EXD1: variants seen among roughly 807,000 people sequenced by gnomAD.
EXD1 encodes the protein piRNA biogenesis protein EXD1.
A neutral mutation model predicts 49.1 loss-of-function variants in EXD1; 63 were observed. The ratio of observed to expected loss-of-function variants is 1.28; its 90% CI spans 1.05 to 1.58. EXD1 has a LOEUF of 1.58. Ranked by LOEUF, EXD1 falls within the 40% of genes most tolerant of loss-of-function variation. The pLI is 0.00. For missense variants in EXD1, 748 were observed against 666.0 expected, an observed-to-expected ratio of 1.12 and a Z score of -1.36; for synonymous variants, 234 against 239.2, an observed-to-expected ratio of 0.98 and a Z score of 0.20.
intron 10 of EXD1, among the ~76,000 whole-genome samples, chr15:41,191,074 C>T (rs1402119754): frequency 6.6e-6 from 1 of 152,072 alleles, no homozygotes; most frequent in South Asian, 2.1e-4. Context: ...ACTACAGACA[C>T]CTGCCACCAT....
rs761035017 is a variant in EXD1 at position 41,191,518 on chromosome 15, T to G, written c.788A>C (p.Gln263Pro). 11 of 1,613,922 alleles carry G rather than the reference T, an allele frequency of 6.8e-6. No individual in the cohort carries two copies. The East Asian group carries it at 2.2e-4, about 33-fold the overall frequency. Residue 263 changes from glutamine (Q) to proline (P), a missense_variant, in exon 10 of 12, where the codon CAG (glutamine) becomes CCG (proline). Gln to Pro is a moderately conservative substitution (Grantham distance 76, BLOSUM62 -1). Coordinates refer to ENST00000458580, the MANE Select transcript of EXD1 (RefSeq NM_001286441.2). ...GYLPNCITTL[Q>P]ESLIKHLQVA... The stretch of plus-strand genomic sequence containing the variant: ...TTGAAGGTGTTTGATTAAACTCTCC[T>G]GCAAAGTAGTGATGCAGTTTGGAAG...
At chr15:41,190,226 GC>G in intron 10 of EXD1, 98 bp from the exon 11 acceptor site, 4 of 1,308,178 alleles carry the variant, frequency 3.1e-6, no homozygotes, top group Non-Finnish European at 3.3e-6. Flanking sequence ...TGTAATCCCA[GC>G]ACTCTGGGAG....
chr15:41,191,564 A>T lies in EXD1; in HGVS notation c.742T>A (p.Ser248Thr), dbSNP rs1431430823. 1 of 1,614,082 alleles carries T rather than the reference A, an allele frequency of 6.2e-7. No individual in the cohort carries two copies. Among genetic ancestry groups the T allele is most frequent in the East Asian group, 2.2e-5 (1 of 44,866 alleles). The change falls in exon 10 of 12, where the codon TCC becomes ACC. Residue 248 changes from serine to threonine, a missense_variant. Ser to Thr is a moderately conservative substitution (Grantham distance 58). Coordinates refer to ENST00000458580, the MANE Select transcript of EXD1 (RefSeq NM_001286441.2). ...DTQVADVLQF[S>T]METGGYLPNC... ...GGAAGATAGCCACCCGTTTCCATGGAAAACTGAAGTACATCTGCTACCTGT... is the reference window on the plus strand; with the variant it reads ...GGAAGATAGCCACCCGTTTCCATGGTAAACTGAAGTACATCTGCTACCTGT...
Position 41,184,535 on chromosome 15 carries a change from C to A in EXD1, c.1115G>T (p.Arg372Leu), listed in dbSNP as rs186855358. The A allele has an allele frequency of 4.3e-6, 7 of 1,611,636 alleles. No homozygotes were observed. The African/African-American group carries it at 5.3e-5, about 12-fold the overall frequency. ...LLQLKDFQKQRREKAAREYRV... is the reference protein window; with the variant it reads ...LLQLKDFQKQLREKAAREYRV... The stretch of plus-strand genomic sequence containing the variant: ...ATATTCTCTTGCAGCTTTCTCCCTG[C>A]GCTGCTTCTGGAAGTCCTTGAGTTG... Residue 372 changes from arginine (R) to leucine (L), a missense_variant, in exon 12 of 12, where the codon CGC (arginine) becomes CTC (leucine). By Grantham distance (102) the Arg-to-Leu change is moderately radical (BLOSUM62 -2). Transcript: ENST00000458580.
chr15:41,224,487 A>G (rs77192017), intron 2 of EXD1, among the ~76,000 whole-genome samples: 4,390 of 152,238 alleles, frequency 0.029, 238 homozygotes, highest in African/African-American at 0.1. Flanking sequence ...TCATGCCAGG[A>G]AACTCTATAT....
chr15:41,190,102 T>C lies in EXD1; in HGVS notation c.891A>G (p.Arg297=). The C allele has an allele frequency of 6.2e-7, 1 of 1,614,084 alleles. No individual in the cohort carries two copies. The highest frequency in any genetic ancestry group is 8.5e-7 in the Non-Finnish European group (1 of 1,180,012). Residue 297 remains arginine, a synonymous_variant, in exon 11 of 12, where the codon CGA becomes CGG. Transcript: ENST00000458580. ...TTTTCAGTAAAGAGGGTGAAACAGG[T>C]CGGATGAACCATACTTCTGGATTTT... ...IQENPEVWFI[R]PVSPSLLKIL...
At chr15:41,228,186 T>C (rs970252512) in intron 1 of EXD1, among the ~76,000 whole-genome samples, 1 of 152,228 alleles carries the variant, frequency 6.6e-6, no homozygotes, top group East Asian at 1.9e-4. Context: ...AGTATTCTTC[T>C]ATAGTTTTTT....
chr15:41,218,570 ACAAAGCCGGTCAGCCATCAG>A (rs1566992561), intron 3 of EXD1, among the ~76,000 whole-genome samples: 1 of 151,670 alleles, frequency 6.6e-6, no homozygotes, highest in African/African-American at 2.4e-5. Flanking sequence ...CATACAGATC[ACAAAGCCGGTCAGCCATCAG>A]CCTCCTGAGT....
rs540188349 is a variant in EXD1, at chr15:41,184,590, T to C, written c.1060A>G (p.Thr354Ala). 5 of 1,575,464 alleles carry C rather than the reference T, an allele frequency of 3.2e-6. No individual in the cohort carries two copies. Among genetic ancestry groups the C allele is most frequent in the African/African-American group, 2.7e-5 (2 of 72,806 alleles). Residue 354 changes from threonine (T) to alanine (A), a missense_variant, in exon 12 of 12, where the codon ACA (threonine) becomes GCA (alanine). Thr to Ala is a moderately conservative substitution (Grantham distance 58, BLOSUM62 0). Coordinates refer to ENST00000458580, the MANE Select transcript of EXD1 (RefSeq NM_001286441.2). ...AGTTCCTCTGGCAGCTCCATACATG[T>C]AGGCTAAGAAGAGAAAGCGAACACA... ...SADRLGGTEP[T>A]CMELPEELLQ...
chr15:41,191,531 T>C lies in EXD1; in HGVS notation c.775A>G (p.Ile259Val), dbSNP rs368618868. The C allele has an allele frequency of 2.8e-5, 45 of 1,613,992 alleles. No homozygotes were observed. Among genetic ancestry groups the C allele is most frequent in the East Asian group, 1.1e-4 (5 of 44,884 alleles). The change falls in exon 10 of 12, where the codon ATC becomes GTC. Residue 259 changes from isoleucine (I) to valine (V), a missense_variant. Coordinates refer to ENST00000458580, the MANE Select transcript of EXD1 (RefSeq NM_001286441.2). ...ATTAAACTCTCCTGCAAAGTAGTGA[T>C]GCAGTTTGGAAGATAGCCACCCGTT... ...METGGYLPNC[I>V]TTLQESLIKH... is the part of the protein sequence containing the mutation.
At chr15:41,218,230 A>G (rs2047031022) in intron 3 of EXD1, among the ~76,000 whole-genome samples, 1 of 152,114 alleles carries the variant, frequency 6.6e-6, no homozygotes, top group Non-Finnish European at 1.5e-5. Flanking sequence ...CACGCCTGTA[A>G]TCCCAGCACT....
intron 10 of EXD1, 127 bp downstream of exon 10, chr15:41,191,315 G>C (rs1412115462): frequency 1.2e-6 from 1 of 812,702 alleles, no homozygotes; most frequent in Non-Finnish European, 1.9e-6. Flanking sequence ...ATTTGGTACA[G>C]TTAAGATTTT....
chr15:41,183,858 T>C lies in EXD1; in HGVS notation c.*73A>G. 7.0e-7 allele frequency: 1 copy of C among 1,430,748 alleles called. No homozygotes were observed. The highest frequency in any genetic ancestry group is 1.4e-5 in the South Asian group (1 of 71,050). 88.6% of individuals were successfully genotyped at this position (1,430,748 alleles called of 1,614,324 possible). A position where few individuals can be genotyped will look rare whatever the true frequency, so the allele number is the denominator to read the frequency against. On this transcript the variant is annotated 3_prime_UTR_variant, in exon 12 of 12. Transcript: ENST00000458580. ...TACTACATTTACAACATGAGAAACC[T>C]GGGCACTGTGGAAAGCCCTGATGGC...
chr15:41,216,695 G>A lies in EXD1; in HGVS notation c.361C>T (p.Leu121=), dbSNP rs1318441734. The part of the protein sequence containing the change: ...PAPEAPATSL[L]NDLKYSPSEE... ...GATGGGCTGTACTTGAGGTCATTCA[G>A]CAGAGAGGTAGCTGGTGCTTCAGGG... is the stretch of plus-strand genomic sequence containing the variant. Residue 121 remains leucine (L), a synonymous_variant, in exon 5 of 12, where the codon CTG becomes TTG. Coordinates refer to ENST00000458580, the MANE Select transcript of EXD1 (RefSeq NM_001286441.2). 6.2e-7 allele frequency: 1 copy of A among 1,613,344 alleles called. No homozygotes were observed. Among genetic ancestry groups the A allele is most frequent in the South Asian group, 1.1e-5 (1 of 91,036 alleles).
chr15:41,189,310 G>T (rs1044384547), intron 11 of EXD1, among the ~76,000 whole-genome samples: 3 of 151,906 alleles, frequency 2.0e-5, no homozygotes, highest in African/African-American at 7.3e-5. Flanking sequence ...GGAGGCTACA[G>T]TGAGCTGAGA....
intron 1 of EXD1, among the ~76,000 whole-genome samples, chr15:41,227,525 C>T (rs983952946): frequency 1.6e-4 from 24 of 151,362 alleles, no homozygotes; most frequent in Non-Finnish European, 1.9e-4. Context: ...CAAAATTAGC[C>T]GGGTGTGGTG....
rs2046349406 is a variant in EXD1, at chr15:41,183,219, G to A, written c.*712C>T. The A allele has an allele frequency of 6.6e-6, 1 of 152,206 alleles. No homozygotes were observed. The highest frequency in any genetic ancestry group is 1.9e-4 in the East Asian group (1 of 5,194). 9.4% of individuals were successfully genotyped at this position (152,206 alleles called of 1,614,324 possible). A position where few individuals can be genotyped will look rare whatever the true frequency, so the allele number is the denominator to read the frequency against. On this transcript the variant is annotated 3_prime_UTR_variant, in exon 12 of 12. Transcript: ENST00000458580. Reference sequence around the variant, plus strand: ...GCAGGAGAATTGCTTGAACCCGGGAGGCGGAGGTTGCAGTGAGCAGAGATT... The same window carrying A: ...GCAGGAGAATTGCTTGAACCCGGGAAGCGGAGGTTGCAGTGAGCAGAGATT...
At chr15:41,192,586 C>A (rs1005350988) in intron 9 of EXD1, among the ~76,000 whole-genome samples, 6 of 136,358 alleles carry the variant, frequency 4.4e-5, no homozygotes, top group Non-Finnish European at 9.2e-5. Context: ...TGAACCACTG[C>A]GCCAGGCATT....
At chr15:41,199,734 T>TATATCATATATAATATATAATATATC (rs1566980656) in intron 7 of EXD1, among the ~76,000 whole-genome samples, 1 of 65,238 alleles carries the variant, frequency 1.5e-5, no homozygotes, top group African/African-American at 5.2e-5. Context: ...ATATATGATA[T>TATATCATATATAATATATAATATATC]ATATGTCATA....
Sources: gnomAD v4.1 joint callset for allele counts (sites outside exome capture counted in the v4.1 genomes callset) on GRCh38, gnomAD v4.1.1 for gene constraint, MANE v1.5 for transcripts, NCBI Gene and HGNC (gene_info 2026-07-23, HGNC 2026-07-21) for gene names.